SLC9C1: variants seen among roughly 807,000 people sequenced by gnomAD.
SLC9C1 encodes sodium/hydrogen exchanger 10.
In SLC9C1, 97 loss-of-function variants were observed where a neutral mutation model predicts 140.9. That is an observed-to-expected ratio of 0.69 (90% CI 0.58 to 0.82). SLC9C1 has a LOEUF of 0.82. Ranked by LOEUF, SLC9C1 falls within the 40% of genes least tolerant of loss-of-function variation. The pLI is 0.00. For missense variants in SLC9C1, 1,340 were observed against 1,389.3 expected (o/e 0.96, Z 0.56); for synonymous variants, 440 against 442.6 (o/e 0.99, Z 0.07).
At chr3:112,243,628 A>G (rs150341617) in intron 11 of SLC9C1, among the ~76,000 whole-genome samples, 1 of 152,138 alleles carries the variant, frequency 6.6e-6, no homozygotes, top group African/African-American at 2.4e-5. Context: ...CAACCTGCAC[A>G]TGTCAAATAA....
intron 20 of SLC9C1, among the ~76,000 whole-genome samples, chr3:112,193,718 G>C (rs2077712264): frequency 6.6e-6 from 1 of 152,090 alleles, no homozygotes; most frequent in African/African-American, 2.4e-5. Flanking sequence ...TAGCTGCTCT[G>C]CTAGCCTGGG....
chr3:112,217,326 T>C, intron 15 of SLC9C1, 116 bp downstream of exon 15: 2 of 1,234,802 alleles, frequency 1.6e-6, no homozygotes, highest in Non-Finnish European at 1.1e-6. Context: ...GTTGTGCACA[T>C]GTACCCTAGC....
chr3:112,151,259 A>C (rs1053348342), intron 28 of SLC9C1: 1 of 488,532 alleles, frequency 2.0e-6, no homozygotes, highest in African/African-American at 2.0e-5. Context: ...ATATTTCCCC[A>C]TAGATACATT....
chr3:112,151,779 C>A (rs2074987624), intron 28 of SLC9C1, 78 bp downstream of exon 28: 1 of 1,033,228 alleles, frequency 9.7e-7, no homozygotes. Context: ...ACATAAAGGG[C>A]AAGTAACTTT....
At chr3:112,243,097 T>A (rs1399135399) in intron 11 of SLC9C1, among the ~76,000 whole-genome samples, 1 of 152,216 alleles carries the variant, frequency 6.6e-6, no homozygotes, top group Non-Finnish European at 1.5e-5. Context: ...GTTCAGCCAC[T>A]GTGGAAAGCA....
intron 12 of SLC9C1, among the ~76,000 whole-genome samples, chr3:112,234,473 T>C (rs553633962): frequency 6.6e-4 from 100 of 152,280 alleles, no homozygotes; most frequent in Middle Eastern, 3.4e-3. Context: ...CAGAAGCTCT[T>C]TAGTTTAATT....
chr3:112,269,800 T>C, intron 7 of SLC9C1, 116 bp downstream of exon 7: 1 of 733,308 alleles, frequency 1.4e-6, no homozygotes. Flanking sequence ...AATAAAAATA[T>C]TCTGTCTAGA....
chr3:112,221,268 G>A lies in SLC9C1; in HGVS notation c.1573-43C>T, dbSNP rs7626100. 1.3e-4 allele frequency: 199 copies of A among 1,502,902 alleles called. No individual in the cohort carries two copies. The African/African-American group carries it at 2.4e-3, about 18-fold the overall frequency. 93.1% of individuals were successfully genotyped at this position (1,502,902 alleles called of 1,614,324 possible). A position where few individuals can be genotyped will look rare whatever the true frequency, so the allele number is the denominator to read the frequency against. ...CAAGTCATTATATAGCATGAATAAC[G>A]ATGACAACTTATTACAATCTTGATG... On this transcript the variant is annotated intron_variant, in intron 13 of 28. Transcript: ENST00000305815.
chr3:112,184,785 C>T (rs193264685), intron 20 of SLC9C1, among the ~76,000 whole-genome samples: 1 of 152,314 alleles, frequency 6.6e-6, no homozygotes, highest in African/African-American at 2.4e-5. Context: ...AACCGTGATG[C>T]CACTGACTCA....
At chr3:112,243,588 C>T (rs992145750) in intron 11 of SLC9C1, among the ~76,000 whole-genome samples, 1 of 152,114 alleles carries the variant, frequency 6.6e-6, no homozygotes, top group Non-Finnish European at 1.5e-5. Flanking sequence ...GTACCTCAAA[C>T]CTCAGCATCA....
intron 20 of SLC9C1, chr3:112,185,642 T>C (rs984512970): frequency 1.8e-5 from 28 of 1,565,784 alleles, no homozygotes; most frequent in Non-Finnish European, 2.4e-5. Flanking sequence ...CCCGGAAAGC[T>C]CCTTGGCGGT....
chr3:112,255,030 C>A (rs1263235096), intron 10 of SLC9C1, among the ~76,000 whole-genome samples: 1 of 151,998 alleles, frequency 6.6e-6, no homozygotes, highest in African/African-American at 2.4e-5. Context: ...AATAAGAAGA[C>A]CTAACTATAC....
rs192071429 is a variant in SLC9C1, at chr3:112,281,692, G to A, written c.89-909C>T. ...ATATTTATTTGATCAAGACGTTGAAGATTTATATCATAAGGATCTAGTCTG... is the reference window on the plus strand; with the variant it reads ...ATATTTATTTGATCAAGACGTTGAAAATTTATATCATAAGGATCTAGTCTG... On this transcript the variant is annotated intron_variant, in intron 2 of 28. Transcript: ENST00000305815. Among the ~76,000 whole-genome samples, 189 of 152,276 alleles carry A rather than the reference G, an allele frequency of 1.2e-3. 3 individuals carry two copies. Among genetic ancestry groups the A allele is most frequent in the East Asian group, 3.9e-4 (2 of 5,186 alleles).
At chr3:112,251,050 A>G (rs2079441379) in intron 10 of SLC9C1, among the ~76,000 whole-genome samples, 1 of 152,186 alleles carries the variant, frequency 6.6e-6, no homozygotes. Context: ...ATGGAATACT[A>G]TGCAGTCATA....
At chr3:112,215,392 T>A (rs2078331377) in intron 15 of SLC9C1, among the ~76,000 whole-genome samples, 1 of 152,150 alleles carries the variant, frequency 6.6e-6, no homozygotes, top group Non-Finnish European at 1.5e-5. Flanking sequence ...TAAAGGGTAG[T>A]CAATTAGGAA....
Position 112,231,381 on chromosome 3 carries a change from G to T in SLC9C1, c.1552C>A (p.Arg518Ser). The T allele has an allele frequency of 6.2e-7, 1 of 1,613,260 alleles. No individual in the cohort carries two copies. The highest frequency in any genetic ancestry group is 1.1e-5 in the South Asian group (1 of 91,024). The change falls in exon 13 of 29, where the codon CGT becomes AGT. Residue 518 changes from arginine (R) to serine (S), a missense_variant. Coordinates refer to ENST00000305815, the MANE Select transcript of SLC9C1 (RefSeq NM_183061.3). ...AGTACTATTTGTGCTGACAAGAGAC[G>T]CCTGTTGGCCAGCTCCATTGCTTCA... is the stretch of plus-strand genomic sequence containing the variant. Reference protein sequence around the residue: ...NTEAMELANRRLLSAQIASYQ... With the variant: ...NTEAMELANRSLLSAQIASYQ...
intron 5 of SLC9C1, among the ~76,000 whole-genome samples, chr3:112,276,429 T>C (rs1487009989): frequency 6.6e-6 from 1 of 151,670 alleles, no homozygotes; most frequent in Non-Finnish European, 1.5e-5. Flanking sequence ...CATACACATA[T>C]ATACATATAT....
At chr3:112,205,299 A>G (rs2078016719) in intron 16 of SLC9C1, among the ~76,000 whole-genome samples, 1 of 152,090 alleles carries the variant, frequency 6.6e-6, no homozygotes, top group Admixed American at 6.6e-5. Context: ...ACTCCCATTC[A>G]CAATTGCTTC....
chr3:112,261,439 A>T (rs1327406492), intron 10 of SLC9C1, among the ~76,000 whole-genome samples: 3 of 152,114 alleles, frequency 2.0e-5, no homozygotes, highest in Non-Finnish European at 4.4e-5. Flanking sequence ...AATTACCAAT[A>T]CTGTACAATT....
Sources: allele counts gnomAD v4.1 joint callset (sites outside exome capture counted in the v4.1 genomes callset), GRCh38; gene constraint gnomAD v4.1.1; transcripts MANE v1.5; gene names NCBI Gene and HGNC (gene_info 2026-07-23, HGNC 2026-07-21).